Variants in NSMF observed in about 807,000 individuals in gnomAD.
The protein encoded by NSMF is nasal embryonic LHRH factor.
Under a neutral mutation model 71.0 loss-of-function variants are expected in NSMF, and 31 were observed. That is an observed-to-expected ratio of 0.44 (90% CI 0.33 to 0.59). NSMF has a LOEUF of 0.59. NSMF is among the 20% of genes least tolerant of loss of function. The pLI is 0.04. For missense variants in NSMF, 673 were observed against 740.5 expected (o/e 0.91, Z 1.06); for synonymous variants, 345 against 287.1 (o/e 1.20, Z -2.04).
chr9:137,448,519 GCCCAGCCCCAGCTGGGCCCCTGCCAAGC>G lies in NSMF; in HGVS notation c.*847_*874del, dbSNP rs1839715491. On this transcript the variant is annotated 3_prime_UTR_variant, in exon 16 of 16. Coordinates refer to ENST00000371475, the MANE Select transcript of NSMF (RefSeq NM_001130969.3). The surrounding 1 kb of genome is among the most constrained non-coding windows in gnomAD (Gnocchi z 5.3). ...GCCAGCGAGTTTCTCAAAACCCAGGGCCCAGCCCCAGCTGGGCCCCTGCCAAGCCCCAGGCCTGTGTGCTGGGATGGAG... is the reference window on the plus strand; with the variant it reads ...GCCAGCGAGTTTCTCAAAACCCAGGGCCCAGGCCTGTGTGCTGGGATGGAG... 6.6e-6 allele frequency: 1 copy of G among 152,052 alleles called. No homozygotes were observed. Among genetic ancestry groups the G allele is most frequent in the Admixed American group, 6.5e-5 (1 of 15,280 alleles). 9.4% of individuals were successfully genotyped at this position (152,052 alleles called of 1,614,324 possible).
At position 137,449,683 on chromosome 9, in the gene NSMF, A is replaced by G. The variant is rs761519207; in HGVS notation, c.1420-9T>C. 1 of 1,611,222 alleles carries G rather than the reference A, an allele frequency of 6.2e-7. No homozygotes were observed. The highest frequency in any genetic ancestry group is 2.2e-5 in the East Asian group (1 of 44,832). On this transcript the variant is annotated splice_polypyrimidine_tract_variant and intron_variant, in intron 14 of 15. Transcript: ENST00000371475. ...CTGAGGTTCTGGAACAGCTGGAGGA[A>G]GCGGGGTGCCATGAGTCCGAGGCAG...
Position 137,452,423 on chromosome 9 carries a change from C to T in NSMF, c.1178G>A (p.Arg393Lys), listed in dbSNP as rs138291208. ...TFEDILEEIE[R>K]KLNVYHKGAK... ...TCCCTTGTGGTAGACGTTCAGCTTC[C>T]TCTCTATCTCCTCTGTGGGAGAGCG... Residue 393 changes from arginine to lysine, a missense_variant, in exon 12 of 16, where the codon AGG (arginine) becomes AAG (lysine). This residue lies in a region of NSMF where 202 missense variants were observed against 280.8 expected (regional missense o/e 0.72). Coordinates refer to ENST00000371475, the MANE Select transcript of NSMF (RefSeq NM_001130969.3). 106 of 1,612,686 alleles carry T rather than the reference C, an allele frequency of 6.6e-5. No homozygotes were observed. In the African/African-American group the frequency reaches 1.2e-3, roughly 18 times the overall value.
Position 137,453,145 on chromosome 9 carries a change from C to T in NSMF, c.958G>A (p.Glu320Lys), listed in dbSNP as rs1219624219. 6 of 1,612,682 alleles carry T rather than the reference C, an allele frequency of 3.7e-6. No individual in the cohort carries two copies. The highest frequency in any genetic ancestry group is 2.2e-5 in the South Asian group (2 of 91,088). ...DLQSSHCTLD[E>K]AFEDLDWDTE... ...TCCCAGTCCAGGTCCTCGAAGGCCTCGTCCAGCGTGCAGTGGGAGCTCTGC... is the reference window on the plus strand; with the variant it reads ...TCCCAGTCCAGGTCCTCGAAGGCCTTGTCCAGCGTGCAGTGGGAGCTCTGC... The change falls in exon 9 of 16, where the codon GAG (glutamate) becomes AAG (lysine). Residue 320 changes from glutamate to lysine, a missense_variant. Around this residue, in one of 2 missense-constraint regions of NSMF, gnomAD observed 202 missense variants for 280.8 expected, o/e 0.72. Transcript: ENST00000371475. This position sits in a 1 kb window ranked among gnomAD's most constrained non-coding sequence, Gnocchi z 4.5.
intron 6 of NSMF, 142 bp from the exon 7 acceptor site, chr9:137,454,585 TC>T: frequency 6.5e-7 from 1 of 1,546,794 alleles, no homozygotes; most frequent in South Asian, 1.2e-5. Context: ...TGGCACCACC[TC>T]CCACCCAAAG....
At chr9:137,450,423 GCCTCTTCCCTTTGATCTCCCCCCCACGCC>G (rs1830426883) in intron 12 of NSMF, among the ~76,000 whole-genome samples, 168 bp from the exon 13 acceptor site, 1 of 39,732 alleles carries the variant, frequency 2.5e-5, no homozygotes, top group Non-Finnish European at 4.9e-5. Context: ...CCCACCACAC[GCCTCTTCCCTTTGATCTCCCCCCCACGCC>G]TCTTCCCCTT....
intron 6 of NSMF, chr9:137,455,015 G>T: frequency 1.4e-6 from 1 of 727,704 alleles, no homozygotes; most frequent in Non-Finnish European, 2.5e-6. Context: ...GCTGGCCCCA[G>T]CCCAGACAGA....
At chr9:137,456,212 G>T (rs982668852) in intron 4 of NSMF, among the ~76,000 whole-genome samples, 199 bp downstream of exon 4, 1 of 152,132 alleles carries the variant, frequency 6.6e-6, no homozygotes. Flanking sequence ...GTGTGTGGGG[G>T]GGGGGGCTGG....
rs148475876 is a variant in NSMF, at chr9:137,453,744, G to A, written c.909C>T (p.His303=). ...DPTPMKADTS[H]DSRDSSDLQS... is the part of the protein sequence containing the mutation. ...CGGGGCACCTACTGTCTCGGGAGTC[G>A]TGGGAAGTGTCGGCTTTCATGGGGG... Residue 303 remains histidine, a synonymous_variant, in exon 8 of 16, where the codon CAC becomes CAT. Transcript: ENST00000371475. The surrounding 1 kb of genome is among the most constrained non-coding windows in gnomAD (Gnocchi z 4.5). 2.0e-4 allele frequency: 321 copies of A among 1,601,798 alleles called. No homozygotes were observed. The highest frequency in any genetic ancestry group is 4.0e-4 in the Admixed American group (24 of 59,498).
chr9:137,455,610 A>G lies in NSMF; in HGVS notation c.710+19T>C. ...GACAACAGCTGTGCCCTTAGGCACC[A>G]AGTCATACAGGTACTTACGAGATGC... On this transcript the variant is annotated intron_variant, in intron 5 of 15. Transcript: ENST00000371475. The G allele has an allele frequency of 6.5e-7, 1 of 1,550,302 alleles. No homozygotes were observed. Among genetic ancestry groups the G allele is most frequent in the East Asian group, 2.4e-5 (1 of 40,926 alleles).
At chr9:137,458,931 C>T in intron 1 of NSMF, 101 bp downstream of exon 1, 1 of 970,674 alleles carries the variant, frequency 1.0e-6, no homozygotes. Flanking sequence ...GTGGCAGAGG[C>T]CGGGGCCCGG....
chr9:137,452,951 G>A (rs1830614280), intron 9 of NSMF, 105 bp downstream of exon 9: 6 of 1,578,986 alleles, frequency 3.8e-6, no homozygotes, highest in Non-Finnish European at 5.2e-6. Context: ...CCCTCCCCCA[G>A]GCAGCTGGAG....
Position 137,457,590 on chromosome 9 carries a change from C to T in NSMF, c.445G>A (p.Asp149Asn). 1.3e-6 allele frequency: 2 copies of T among 1,561,898 alleles called. No homozygotes were observed. The highest frequency in any genetic ancestry group is 8.7e-7 in the Non-Finnish European group (1 of 1,153,366). Residue 149 changes from aspartate (D) to asparagine (N), a missense_variant, in exon 3 of 16, where the codon GAC becomes AAC. Asp to Asn is a conservative substitution (Grantham distance 23, BLOSUM62 1). Coordinates refer to ENST00000371475, the MANE Select transcript of NSMF (RefSeq NM_001130969.3). ...LRASPGGSRE[D>N]VSRPCQSWAG... ...CAGCTCTGGCAGGGCCTGCTGACGT[C>T]CTCCCGGCTGCCACCAGGGCTGGCG... is the stretch of plus-strand genomic sequence containing the variant.
rs1233205047 is a variant in NSMF at position 137,453,830 on chromosome 9, G to A, written c.833-10C>T. 5 of 1,579,238 alleles carry A rather than the reference G, an allele frequency of 3.2e-6. No homozygotes were observed. The highest frequency in any genetic ancestry group is 2.7e-5 in the African/African-American group (2 of 74,712). ...CGCCGCTCAGCGAACGCTGCAGAGAGCAAAACCCGCATTAGCGAGCGGGTG... is the reference window on the plus strand; with the variant it reads ...CGCCGCTCAGCGAACGCTGCAGAGAACAAAACCCGCATTAGCGAGCGGGTG... On this transcript the variant is annotated splice_polypyrimidine_tract_variant and intron_variant, in intron 7 of 15. Coordinates refer to ENST00000371475, the MANE Select transcript of NSMF (RefSeq NM_001130969.3). The surrounding 1 kb of genome is among the most constrained non-coding windows in gnomAD (Gnocchi z 4.5).
chr9:137,455,725 G>A (rs563227777), intron 4 of NSMF, 91 bp from the exon 5 acceptor site: 2 of 1,414,930 alleles, frequency 1.4e-6, no homozygotes, highest in East Asian at 5.0e-5. Flanking sequence ...GGTCCCTACA[G>A]TTCCCTTCTT....
At chr9:137,451,001 C>T (rs1470397891) in intron 12 of NSMF, among the ~76,000 whole-genome samples, 1 of 25,668 alleles carries the variant, frequency 3.9e-5, no homozygotes, top group Non-Finnish European at 7.3e-5. Flanking sequence ...ACGTCTCTTC[C>T]CCTTGATCTC....
In NSMF at chr9:137,449,207, C is replaced by T. The variant is rs984196414; in HGVS notation, c.*187G>A. On this transcript the variant is annotated 3_prime_UTR_variant, in exon 16 of 16. Transcript: ENST00000371475. ...TCCTCCCGGCCCCCAGGGACTGCAG[C>T]CTCTGCGGCCACGGGTGCAGCGAGG... The T allele has an allele frequency of 1.6e-6, 1 of 622,826 alleles. No homozygotes were observed. Among genetic ancestry groups the T allele is most frequent in the African/African-American group, 1.8e-5 (1 of 54,942 alleles). The allele number at this position is 622,826 out of a possible 1,614,324, so 38.6% of individuals were successfully genotyped here. A position where few individuals can be genotyped will look rare whatever the true frequency, so the allele number is the denominator to read the frequency against.
Position 137,459,172 on chromosome 9 carries a change from C to G in NSMF, c.-70G>C. On this transcript the variant is annotated 5_prime_UTR_variant, in exon 1 of 16. Coordinates refer to ENST00000371475, the MANE Select transcript of NSMF (RefSeq NM_001130969.3). Reference sequence around the variant, plus strand: ...CGCCCGCCGCCTCCGCCGGGGTAGCCGCGCCGCACCGGGGGTCGCGCTCGG... The same window carrying G: ...CGCCCGCCGCCTCCGCCGGGGTAGCGGCGCCGCACCGGGGGTCGCGCTCGG... The G allele has an allele frequency of 1.9e-6, 2 of 1,075,616 alleles. No homozygotes were observed. The highest frequency in any genetic ancestry group is 2.3e-6 in the Non-Finnish European group (2 of 875,256). The allele number at this position is 1,075,616 out of a possible 1,614,324, so 66.6% of individuals were successfully genotyped here.
chr9:137,456,217 G>C (rs1439135358), intron 4 of NSMF, among the ~76,000 whole-genome samples, 194 bp downstream of exon 4: 10 of 152,208 alleles, frequency 6.6e-5, no homozygotes. Context: ...TGGGGGGGGG[G>C]GCTGGGCACC....
intron 6 of NSMF, 55 bp from the exon 7 acceptor site, chr9:137,454,498 T>G: frequency 6.5e-7 from 1 of 1,549,414 alleles, no homozygotes; most frequent in Non-Finnish European, 8.7e-7. Context: ...CGGCAGCCCC[T>G]GCCCACCTAG....
Sources: allele counts gnomAD v4.1 joint callset (sites outside exome capture counted in the v4.1 genomes callset), GRCh38; gene constraint gnomAD v4.1.1; regional missense constraint gnomAD v4.1.1; non-coding constraint Gnocchi (gnomAD v3.1); transcripts MANE v1.5; gene names NCBI Gene and HGNC (gene_info 2026-07-23, HGNC 2026-07-21).